The following GALNT17 variants were observed in gnomAD, a reference collection of about 807,000 sequenced individuals.
GALNT17 encodes the protein polypeptide N-acetylgalactosaminyltransferase 17, also known as UDP-GalNAc:polypeptide N-acetylgalactosaminyltransferase-like 3.
GALNT17 carries 29 observed loss-of-function variants against 63.7 expected under a neutral mutation model. The observed-to-expected ratio is 0.46, with a 90% CI of 0.34 to 0.62. GALNT17 has a LOEUF of 0.62. Among genes scored for constraint, GALNT17 ranks in the 20% least tolerant of loss-of-function variants. GALNT17 has a pLI of 0.01. For synonymous variants in GALNT17, 305 were observed against 318.3 expected, an observed-to-expected ratio of 0.96 and a Z score of 0.45; for missense variants, 603 against 799.6, an observed-to-expected ratio of 0.75 and a Z score of 2.97.
intron 9 of GALNT17, among the ~76,000 whole-genome samples, chr7:71,706,841 A>G (rs1791727715): frequency 6.6e-6 from 1 of 152,174 alleles, no homozygotes; most frequent in African/African-American, 2.4e-5. Flanking sequence ...CTGCCAGAAA[A>G]GAGCCACTCC....
intron 9 of GALNT17, among the ~76,000 whole-genome samples, chr7:71,707,806 G>A (rs1001349668): frequency 6.6e-6 from 1 of 152,168 alleles, no homozygotes. Context: ...TTCATACAAG[G>A]CTAAAAGTCT....
intron 3 of GALNT17, among the ~76,000 whole-genome samples, chr7:71,397,227 G>C (rs376771918): frequency 1.3e-5 from 2 of 152,022 alleles, no homozygotes; most frequent in South Asian, 4.1e-4. Flanking sequence ...GTTTATAAAA[G>C]CCTCTTCTGG....
chr7:71,217,174 G>C (rs1194179809), intron 1 of GALNT17, among the ~76,000 whole-genome samples: 1 of 136,240 alleles, frequency 7.3e-6, no homozygotes, highest in Non-Finnish European at 1.5e-5. Context: ...TTGAGATAGA[G>C]TTTTGCCATG....
At chr7:71,606,306 C>A (rs115016623) in intron 6 of GALNT17, among the ~76,000 whole-genome samples, 1 of 152,252 alleles carries the variant, frequency 6.6e-6, no homozygotes, top group African/African-American at 2.4e-5. Flanking sequence ...AAGAGTGCAA[C>A]ACTCTTTCGA....
At chr7:71,311,530 T>A (rs891702192) in intron 1 of GALNT17, among the ~76,000 whole-genome samples, 14 of 152,146 alleles carry the variant, frequency 9.2e-5, no homozygotes, top group African/African-American at 1.4e-4. Flanking sequence ...GAATTTTTTT[T>A]AAAAAAACCT....
intron 5 of GALNT17, among the ~76,000 whole-genome samples, chr7:71,504,084 C>A (rs145218137): frequency 6.6e-6 from 1 of 151,972 alleles, no homozygotes; most frequent in African/African-American, 2.4e-5. Context: ...AAAAATTATC[C>A]GGGCATGGTG....
chr7:71,256,519 A>C (rs572855673), intron 1 of GALNT17, among the ~76,000 whole-genome samples: 11 of 152,300 alleles, frequency 7.2e-5, no homozygotes, highest in African/African-American at 1.7e-4. Context: ...TGCAGGTTGC[A>C]GTGGATGGCA....
intron 5 of GALNT17, among the ~76,000 whole-genome samples, chr7:71,534,371 G>A (rs546626843): frequency 3.9e-4 from 60 of 152,044 alleles, no homozygotes; most frequent in East Asian, 1.8e-3. Context: ...AGGCCGAGGC[G>A]GGCAGATCAC....
chr7:71,694,359 AT>A (rs34576267), intron 9 of GALNT17, among the ~76,000 whole-genome samples: 7 of 138,682 alleles, frequency 5.0e-5, no homozygotes, highest in South Asian at 2.3e-4. Context: ...AATTATCCCA[AT>A]TTTTTTTTTT....
intron 6 of GALNT17, among the ~76,000 whole-genome samples, chr7:71,584,488 C>T (rs1562700607): frequency 6.6e-6 from 1 of 152,160 alleles, no homozygotes; most frequent in East Asian, 1.9e-4. Flanking sequence ...CAGACATCGT[C>T]TCATTCCATC....
At chr7:71,396,592 T>A (rs1793143798) in intron 3 of GALNT17, among the ~76,000 whole-genome samples, 1 of 152,202 alleles carries the variant, frequency 6.6e-6, no homozygotes, top group Non-Finnish European at 1.5e-5. Flanking sequence ...TTGTTATGTC[T>A]ATTCTGGGTT....
chr7:71,557,439 G>A (rs1789183237), intron 5 of GALNT17, among the ~76,000 whole-genome samples: 1 of 152,128 alleles, frequency 6.6e-6, no homozygotes, highest in South Asian at 2.1e-4. Context: ...TACAGATGAA[G>A]AGGAGGCTGA....
chr7:71,341,717 A>G (rs1381307539), intron 2 of GALNT17, among the ~76,000 whole-genome samples: 1 of 152,234 alleles, frequency 6.6e-6, no homozygotes, highest in Non-Finnish European at 1.5e-5. Context: ...AATGCAAAGT[A>G]AACCCATCGC....
intron 5 of GALNT17, among the ~76,000 whole-genome samples, chr7:71,565,030 G>A (rs1236488482): frequency 1.3e-5 from 2 of 152,170 alleles, no homozygotes; most frequent in South Asian, 4.1e-4. Flanking sequence ...ACTTTCAGAG[G>A]CTGAAGCAGG....
chr7:71,637,518 C>T (rs1790545335), intron 6 of GALNT17, among the ~76,000 whole-genome samples: 1 of 150,302 alleles, frequency 6.7e-6, no homozygotes. Context: ...CATCAAGTAG[C>T]CTGAGGGCTT....
At chr7:71,428,379 G>C (rs1213536447) in intron 5 of GALNT17, among the ~76,000 whole-genome samples, 6 of 151,730 alleles carry the variant, frequency 4.0e-5, no homozygotes, top group Admixed American at 3.9e-4. Flanking sequence ...TCTTTTATTA[G>C]CATACAGTTT....
chr7:71,179,924 A>G (rs1233026653), intron 1 of GALNT17, among the ~76,000 whole-genome samples: 2 of 152,156 alleles, frequency 1.3e-5, no homozygotes, highest in Non-Finnish European at 2.9e-5. Context: ...GATAATTGTT[A>G]CTTGCAGGAG....
intron 5 of GALNT17, among the ~76,000 whole-genome samples, chr7:71,509,833 G>A (rs937688354): frequency 2.6e-5 from 4 of 152,312 alleles, no homozygotes; most frequent in African/African-American, 9.6e-5. Context: ...ACGGGATGCA[G>A]CATCCTTCAA....
intron 1 of GALNT17, among the ~76,000 whole-genome samples, chr7:71,166,712 C>T (rs1389863531): frequency 6.6e-6 from 1 of 152,150 alleles, no homozygotes; most frequent in Non-Finnish European, 1.5e-5. Flanking sequence ...GGCTATACCA[C>T]AGTTTGTTTA....
Sources: gnomAD v4.1 joint callset for allele counts (sites outside exome capture counted in the v4.1 genomes callset) on GRCh38, gnomAD v4.1.1 for gene constraint, MANE v1.5 for transcripts, NCBI Gene and HGNC (gene_info 2026-07-23, HGNC 2026-07-21) for gene names.